Variants in RB1 observed in about 807,000 individuals in gnomAD.
RB1 encodes the protein retinoblastoma-associated protein.
Under a neutral mutation model 135.4 loss-of-function variants are expected in RB1, and 18 were observed. That is an observed-to-expected ratio of 0.13 (90% CI 0.09 to 0.20). The LOEUF (loss-of-function observed/expected upper bound fraction) is 0.20. RB1 is among the 10% of genes least tolerant of loss of function. The probability of loss-of-function intolerance (pLI) is 1.00; values close to 1 mark genes in which losing one functional copy is unlikely to be tolerated. For missense variants in RB1, 868 were observed against 1,110.0 expected (o/e 0.78, Z 3.10); for synonymous variants, 365 against 373.2 (o/e 0.98, Z 0.25).
In RB1 at chr13:48,381,322, C is replaced by G. The variant is rs4151539; in HGVS notation, c.1574C>G (p.Ala525Gly). ...ATTCTGAATGTGCTTAATTTAAAAGCCTTTGATTTTTACAAAGTGATCGAA... is the reference window on the plus strand; with the variant it reads ...ATTCTGAATGTGCTTAATTTAAAAGGCTTTGATTTTTACAAAGTGATCGAA... ...PWILNVLNLK[A>G]FDFYKVIESF... The change falls in exon 17 of 27, where the codon GCC (alanine) becomes GGC (glycine). Residue 525 changes from alanine (A) to glycine (G), a missense_variant. By Grantham distance (60) the Ala-to-Gly change is moderately conservative. Coordinates refer to ENST00000267163, the MANE Select transcript of RB1 (RefSeq NM_000321.3). The G allele has an allele frequency of 1.1e-3, 1,779 of 1,611,652 alleles. 18 individuals carry two copies. In the African/African-American group the frequency reaches 0.02, roughly 18 times the overall value.
At chr13:48,348,827 A>G (rs146886826) in intron 5 of RB1, 129 bp from the exon 6 acceptor site, 2 of 1,043,064 alleles carry the variant, frequency 1.9e-6, no homozygotes, top group African/African-American at 1.6e-5. Flanking sequence ...ACTGCATTCT[A>G]TTATGCATTT....
intron 12 of RB1, among the ~76,000 whole-genome samples, chr13:48,374,192 T>C (rs1289843299): frequency 6.6e-6 from 1 of 152,160 alleles, no homozygotes; most frequent in Non-Finnish European, 1.5e-5. Context: ...TTGCAACTCC[T>C]GATAGACAAT....
intron 17 of RB1, chr13:48,410,954 T>C (rs936445674): frequency 6.6e-6 from 1 of 152,344 alleles, no homozygotes; most frequent in Non-Finnish European, 1.5e-5. Context: ...TTGTTAATCA[T>C]AGTTTAAGAA....
In RB1 at chr13:48,465,242, G is replaced by A. The variant is rs2138345622; in HGVS notation, c.2363G>A (p.Ser788Asn). Residue 788 changes from serine to asparagine, a missense_variant, in exon 23 of 27, where the codon AGC becomes AAC. By Grantham distance (46) the Ser-to-Asn change is conservative (BLOSUM62 1). Coordinates refer to ENST00000267163, the MANE Select transcript of RB1 (RefSeq NM_000321.3). ...TCACCAATACCTCACATTCCTCGAA[G>A]CCCTTACAAGTTTCCTAGTTCACCC... ...TLSPIPHIPR[S>N]PYKFPSSPLR... 6.2e-7 allele frequency: 1 copy of A among 1,613,878 alleles called. No homozygotes were observed. The highest frequency in any genetic ancestry group is 1.1e-5 in the South Asian group (1 of 91,074).
Position 48,324,658 on chromosome 13 carries a change from G to A in RB1, c.264+17252G>A, listed in dbSNP as rs142830919. ...CCATGTCTTGGCTGTTGGGAAAAAT[G>A]CAGCATTCAACATGGGAATGCAGAT... is the stretch of plus-strand genomic sequence containing the variant. On this transcript the variant is annotated intron_variant, in intron 2 of 26. Coordinates refer to ENST00000267163, the MANE Select transcript of RB1 (RefSeq NM_000321.3). Among the ~76,000 whole-genome samples, 852 of 152,266 alleles carry A rather than the reference G, an allele frequency of 5.6e-3. 5 individuals carry two copies. Among genetic ancestry groups the A allele is most frequent in the Middle Eastern group, 0.01 (3 of 294 alleles).
chr13:48,340,598 A>G (rs1952434133), intron 2 of RB1, among the ~76,000 whole-genome samples: 1 of 151,612 alleles, frequency 6.6e-6, no homozygotes, highest in African/African-American at 2.4e-5. Context: ...AGAAAAAAAA[A>G]GGCTGGAATT....
chr13:48,461,077 A>C (rs901482341), intron 20 of RB1, among the ~76,000 whole-genome samples: 1 of 152,216 alleles, frequency 6.6e-6, no homozygotes, highest in African/African-American at 2.4e-5. Flanking sequence ...GGTTTTTAGT[A>C]TATTCACAGT....
At chr13:48,348,601 AT>A (rs1006128724) in intron 5 of RB1, among the ~76,000 whole-genome samples, 1 of 151,602 alleles carries the variant, frequency 6.6e-6, no homozygotes, top group Non-Finnish European at 1.5e-5. Context: ...TGTTTTTTAT[AT>A]ATTTTTATAT....
intron 17 of RB1, among the ~76,000 whole-genome samples, chr13:48,388,486 C>T (rs140041444): frequency 2.6e-5 from 4 of 152,128 alleles, no homozygotes; most frequent in African/African-American, 9.7e-5. Context: ...TTGTGCCAGG[C>T]ACTTTGGTGA....
chr13:48,478,109 T>C (rs1260681558), intron 26 of RB1, among the ~76,000 whole-genome samples: 2 of 152,268 alleles, frequency 1.3e-5, no homozygotes, highest in Admixed American at 6.5e-5. Context: ...GCCAGATCCA[T>C]TGATAGGAAA....
intron 8 of RB1, among the ~76,000 whole-genome samples, chr13:48,363,629 A>G (rs1952664599): frequency 6.6e-6 from 1 of 152,182 alleles, no homozygotes; most frequent in Admixed American, 6.5e-5. Flanking sequence ...GTTTAGTGAT[A>G]AGTGATACCA....
At chr13:48,415,271 T>C (rs1178150270) in intron 17 of RB1, among the ~76,000 whole-genome samples, 1 of 151,922 alleles carries the variant, frequency 6.6e-6, no homozygotes, top group African/African-American at 2.4e-5. Context: ...TTTTTTCTTT[T>C]CTTTTCTTTT....
At chr13:48,324,373 C>T (rs1952265921) in intron 2 of RB1, among the ~76,000 whole-genome samples, 1 of 152,054 alleles carries the variant, frequency 6.6e-6, no homozygotes, top group South Asian at 2.1e-4. Context: ...CCTCCCATCC[C>T]CACTACCCTT....
intron 2 of RB1, chr13:48,320,479 G>T: frequency 1.3e-6 from 1 of 764,640 alleles, no homozygotes; most frequent in Non-Finnish European, 2.2e-6. Flanking sequence ...AAACATTCTA[G>T]CAGAAGGGGA....
At chr13:48,407,701 T>G (rs1948752523) in intron 17 of RB1, among the ~76,000 whole-genome samples, 1 of 152,186 alleles carries the variant, frequency 6.6e-6, no homozygotes, top group African/African-American at 2.4e-5. Context: ...AATTTGTAAT[T>G]TATTTCTTAG....
intron 24 of RB1, among the ~76,000 whole-genome samples, chr13:48,475,069 T>G (rs537052156): frequency 6.6e-6 from 1 of 152,128 alleles, no homozygotes; most frequent in South Asian, 2.1e-4. Context: ...AGACAGGGTT[T>G]TCTATGTTGG....
intron 4 of RB1, among the ~76,000 whole-genome samples, chr13:48,346,023 C>T (rs981176377): frequency 1.3e-5 from 2 of 149,932 alleles, no homozygotes; most frequent in African/African-American, 2.4e-5. Flanking sequence ...AGAGAAAAAA[C>T]TCAAAGGCCT....
At chr13:48,463,015 C>T (rs1010698776) in intron 20 of RB1, among the ~76,000 whole-genome samples, 1 of 152,158 alleles carries the variant, frequency 6.6e-6, no homozygotes, top group Non-Finnish European at 1.5e-5. Flanking sequence ...GATTATTTGG[C>T]ATTCTTGGCA....
intron 18 of RB1, among the ~76,000 whole-genome samples, 168 bp downstream of exon 18, chr13:48,453,279 A>G (rs532734064): frequency 6.6e-5 from 10 of 152,336 alleles, no homozygotes; most frequent in Admixed American, 5.2e-4. Context: ...ATAAAGTCAT[A>G]TAAAAGAGTA....
Sources: allele counts gnomAD v4.1 joint callset (sites outside exome capture counted in the v4.1 genomes callset), GRCh38; gene constraint gnomAD v4.1.1; transcripts MANE v1.5; gene names NCBI Gene and HGNC (gene_info 2026-07-23, HGNC 2026-07-21).